The following PCDH15 variants were observed in gnomAD, a reference collection of about 807,000 sequenced individuals.
The protein encoded by PCDH15 is protocadherin related 15.
PCDH15 carries 129 observed loss-of-function variants against 178.5 expected under a neutral mutation model. The observed-to-expected ratio is 0.72, with a 90% CI of 0.63 to 0.84. The LOEUF is 0.84. PCDH15 is among the 40% of genes least tolerant of loss of function. The probability of loss-of-function intolerance (pLI) is 0.00; values close to 1 mark genes in which losing one functional copy is unlikely to be tolerated. For missense variants in PCDH15, 2,230 were observed against 2,099.9 expected, an observed-to-expected ratio of 1.06 and a Z score of -1.21; for synonymous variants, 800 against 732.0, an observed-to-expected ratio of 1.09 and a Z score of -1.50.
At chr10:54,623,204 C>T (rs1304884446) in intron 2 of PCDH15, among the ~76,000 whole-genome samples, 1 of 152,008 alleles carries the variant, frequency 6.6e-6, no homozygotes, top group East Asian at 1.9e-4. Flanking sequence ...TCAAAGCAAA[C>T]GACATCAATT....
chr10:54,634,287 TA>T, intron 2 of PCDH15, among the ~76,000 whole-genome samples: 1 of 152,258 alleles, frequency 6.6e-6, no homozygotes, highest in East Asian at 1.9e-4. Flanking sequence ...AATTATAAAA[TA>T]TTGCACTGCT....
At chr10:54,754,420 T>C (rs1411404464) in intron 1 of PCDH15, among the ~76,000 whole-genome samples, 1 of 152,130 alleles carries the variant, frequency 6.6e-6, no homozygotes, top group African/African-American at 2.4e-5. Context: ...ATATCAAATA[T>C]AATTTAAAAT....
In PCDH15 at chr10:54,329,450, G is replaced by C. The variant is rs190127745; in HGVS notation, c.705+146C>G. 2.7e-3 allele frequency: 1,728 copies of C among 629,654 alleles called. 5 individuals are homozygous for C. Among genetic ancestry groups the C allele is most frequent in the Non-Finnish European group, 3.7e-3 (1,309 of 354,432 alleles). The allele number at this position is 629,654 out of a possible 1,614,324, so 39.0% of individuals were successfully genotyped here. The stretch of plus-strand genomic sequence containing the variant: ...ATTCTATCCCTTTCTCCATCTATAA[G>C]AGTATTATATATAAACACCAAGGGC... On this transcript the variant is annotated intron_variant, in intron 7 of 37. Transcript: ENST00000644397.
At chr10:55,300,199 T>C (rs912929578) in intron 1 of PCDH15, among the ~76,000 whole-genome samples, 1 of 152,140 alleles carries the variant, frequency 6.6e-6, no homozygotes, top group Non-Finnish European at 1.5e-5. Flanking sequence ...CCACAGAAAT[T>C]GAAATCCAAA....
At chr10:54,375,484 T>C (rs768780870) in intron 4 of PCDH15, among the ~76,000 whole-genome samples, 20 of 152,052 alleles carry the variant, frequency 1.3e-4, no homozygotes, top group Non-Finnish European at 2.4e-4. Context: ...ATCTATGCTA[T>C]TGGTATTGTT....
At position 54,597,580 on chromosome 10, in the gene PCDH15, C is replaced by A. The variant is rs750943274; in HGVS notation, c.91+66592G>T. Among the ~76,000 whole-genome samples the A allele has an allele frequency of 3.6e-4, 54 of 151,514 alleles. 1 individual carries two copies. The highest frequency in any genetic ancestry group is 1.9e-4 in the Non-Finnish European group (13 of 67,740). ...AACAACAACAACAACAAAATAACAA[C>A]AAAAACAAACAAACAAAAAAACCCA... On this transcript the variant is annotated intron_variant, in intron 2 of 37. Transcript: ENST00000644397.
At chr10:54,097,847 A>C (rs1239144285) in intron 15 of PCDH15, among the ~76,000 whole-genome samples, 1 of 152,130 alleles carries the variant, frequency 6.6e-6, no homozygotes, top group Non-Finnish European at 1.5e-5. Context: ...GAAAATGCAC[A>C]CCTCAGGAGG....
chr10:54,420,678 G>A (rs906543872), intron 3 of PCDH15, among the ~76,000 whole-genome samples: 1 of 151,970 alleles, frequency 6.6e-6, no homozygotes, highest in Middle Eastern at 3.2e-3. Context: ...GAAAGCAAAG[G>A]GGAGATAGTG....
At chr10:54,547,597 A>C (rs2086007245) in intron 2 of PCDH15, among the ~76,000 whole-genome samples, 2 of 152,172 alleles carry the variant, frequency 1.3e-5, no homozygotes, top group African/African-American at 4.8e-5. Flanking sequence ...AGGTTAATCC[A>C]TACTGATGTA....
At chr10:55,068,883 T>C (rs1237203774) in intron 2 of PCDH15, among the ~76,000 whole-genome samples, 1 of 151,862 alleles carries the variant, frequency 6.6e-6, no homozygotes, top group East Asian at 1.9e-4. Context: ...TGGAATTGCC[T>C]TCTCTGCTCC....
At chr10:55,167,661 A>G (rs1468089359) in intron 1 of PCDH15, among the ~76,000 whole-genome samples, 5 of 152,174 alleles carry the variant, frequency 3.3e-5, no homozygotes, top group African/African-American at 1.2e-4. Flanking sequence ...TCTCTCATGC[A>G]CATGTCAAGA....
chr10:53,990,942 G>A (rs1200786892), intron 21 of PCDH15, among the ~76,000 whole-genome samples: 2 of 152,134 alleles, frequency 1.3e-5, no homozygotes, highest in Non-Finnish European at 2.9e-5. Context: ...GCAGTGAGGG[G>A]TTTAGCACCC....
At chr10:54,456,018 G>T (rs114642800) in intron 3 of PCDH15, among the ~76,000 whole-genome samples, 161 of 152,314 alleles carry the variant, frequency 1.1e-3, no homozygotes, top group African/African-American at 3.7e-3. Context: ...GTATGGAAAT[G>T]CCTGGATACC....
At chr10:54,151,012 CAAG>C (rs1275018791) in intron 14 of PCDH15, among the ~76,000 whole-genome samples, 2 of 152,070 alleles carry the variant, frequency 1.3e-5, no homozygotes, top group Admixed American at 6.5e-5. Context: ...ATCATCAACT[CAAG>C]AAGAAAAGTC....
intron 1 of PCDH15, among the ~76,000 whole-genome samples, chr10:54,701,631 G>C (rs2095309839): frequency 6.6e-6 from 1 of 151,820 alleles, no homozygotes; most frequent in South Asian, 2.1e-4. Flanking sequence ...AAACAGAAAA[G>C]AGAAAAAAGC....
chr10:55,306,314 T>C (rs1285868965), intron 1 of PCDH15, among the ~76,000 whole-genome samples: 1 of 152,240 alleles, frequency 6.6e-6, no homozygotes, highest in Non-Finnish European at 1.5e-5. Context: ...ATAAGTTTTA[T>C]ACCAACTGAA....
At chr10:55,474,790 C>T (rs192154546) in intron 2 of PCDH15, among the ~76,000 whole-genome samples, 10 of 152,232 alleles carry the variant, frequency 6.6e-5, no homozygotes, top group South Asian at 2.1e-4. Context: ...TGTTGGAACA[C>T]ATATGTTTTT....
intron 2 of PCDH15, among the ~76,000 whole-genome samples, chr10:54,986,497 T>A (rs1452908836): frequency 6.6e-6 from 1 of 152,204 alleles, no homozygotes; most frequent in Non-Finnish European, 1.5e-5. Flanking sequence ...TGTATTTGAA[T>A]TATTTAGCAG....
intron 20 of PCDH15, among the ~76,000 whole-genome samples, chr10:53,998,788 G>A (rs940576343): frequency 4.0e-5 from 6 of 151,712 alleles, no homozygotes; most frequent in Admixed American, 6.6e-5. Flanking sequence ...ACGGTGGCTC[G>A]CATCTGTAAT....
Sources: allele counts gnomAD v4.1 joint callset (sites outside exome capture counted in the v4.1 genomes callset), GRCh38; gene constraint gnomAD v4.1.1; transcripts MANE v1.5; gene names NCBI Gene and HGNC (gene_info 2026-07-23, HGNC 2026-07-21).